NFATC3: variants seen among roughly 807,000 people sequenced by gnomAD.
The protein encoded by NFATC3 is nuclear factor of activated T-cells, cytoplasmic 3.
NFATC3 carries 46 observed loss-of-function variants against 98.6 expected under a neutral mutation model. The ratio of observed to expected loss-of-function variants is 0.47; its 90% CI spans 0.37 to 0.60. The LOEUF (loss-of-function observed/expected upper bound fraction) is 0.60. NFATC3 is among the 20% of genes least tolerant of loss of function. NFATC3 has a pLI of 0.00. For missense variants in NFATC3, 1,256 were observed against 1,295.5 expected (o/e 0.97, Z 0.47); for synonymous variants, 512 against 472.2 (o/e 1.08, Z -1.09).
At position 68,090,559 on chromosome 16, in the gene NFATC3, G is replaced by A. The variant is rs549612249; in HGVS notation, c.103+4775G>A. On this transcript the variant is annotated intron_variant, in intron 1 of 9. Coordinates refer to ENST00000346183, the MANE Select transcript of NFATC3 (RefSeq NM_173165.3). ...AGACATTTTTATCTGTTTAATTCTA[G>A]TCTTTTAAATGTTACTTACCTCTTA... Among the ~76,000 whole-genome samples the A allele has an allele frequency of 3.3e-5, 5 of 152,060 alleles. No individual in the cohort carries two copies. In the South Asian group the frequency reaches 1.0e-3, roughly 32 times the overall value.
At chr16:68,137,400 C>A (rs1324319884) in intron 3 of NFATC3, among the ~76,000 whole-genome samples, 1 of 152,044 alleles carries the variant, frequency 6.6e-6, no homozygotes, top group Non-Finnish European at 1.5e-5. Flanking sequence ...TCTGTTGTTA[C>A]CTGTGGGACC....
intron 3 of NFATC3, among the ~76,000 whole-genome samples, chr16:68,128,141 T>C (rs2036936369): frequency 6.6e-6 from 1 of 151,614 alleles, no homozygotes; most frequent in African/African-American, 2.4e-5. Context: ...TGTAGATATT[T>C]TTCTCTCGTC....
At chr16:68,210,099 C>A (rs1310619917) in intron 9 of NFATC3, among the ~76,000 whole-genome samples, 1 of 152,002 alleles carries the variant, frequency 6.6e-6, no homozygotes, top group Non-Finnish European at 1.5e-5. Flanking sequence ...ACATTGAGAC[C>A]ATCCTGGCTA....
At chr16:68,109,110 T>G (rs1042312507) in intron 1 of NFATC3, among the ~76,000 whole-genome samples, 16 of 152,172 alleles carry the variant, frequency 1.1e-4, no homozygotes, top group Non-Finnish European at 1.8e-4. Flanking sequence ...CATTACTATG[T>G]TGAATAGGAG....
In NFATC3 at chr16:68,191,260, A is replaced by G. The variant is rs370890812; in HGVS notation, c.2591A>G (p.His864Arg). 3.7e-6 allele frequency: 6 copies of G among 1,614,176 alleles called. No individual in the cohort carries two copies. Among genetic ancestry groups the G allele is most frequent in the African/African-American group, 2.7e-5 (2 of 75,034 alleles). Reference protein sequence around the residue: ...FHSSNSGSTGHLLAHTPHSVH... With the variant: ...FHSSNSGSTGRLLAHTPHSVH... ...TCTTCAAATTCAGGCTCAACAGGAC[A>G]TCTCTTAGCCCATACACCTCATTCT... is the stretch of plus-strand genomic sequence containing the variant. The change falls in exon 9 of 10, where the codon CAT becomes CGT. Residue 864 changes from histidine (H) to arginine (R), a missense_variant. Physicochemically the swap from His to Arg is conservative, Grantham distance 29. Transcript: ENST00000346183.
chr16:68,172,968 T>C (rs1244530824), intron 5 of NFATC3, among the ~76,000 whole-genome samples: 1 of 152,158 alleles, frequency 6.6e-6, no homozygotes, highest in East Asian at 1.9e-4. Context: ...AAGTTGATAA[T>C]GTAAATATCT....
At chr16:68,209,864 C>G (rs960184028) in intron 9 of NFATC3, 3 of 309,652 alleles carry the variant, frequency 9.7e-6, no homozygotes, top group African/African-American at 6.7e-5. Flanking sequence ...CACACACACA[C>G]ACACTCACAG....
chr16:68,185,862 C>CA (rs764335192), intron 8 of NFATC3, among the ~76,000 whole-genome samples: 3,661 of 46,136 alleles, frequency 0.079, 115 homozygotes, highest in East Asian at 0.15. Context: ...GACTCCGTCT[C>CA]AAAAAAAAAA....
intron 1 of NFATC3, among the ~76,000 whole-genome samples, chr16:68,110,908 T>C (rs1436393338): frequency 6.6e-6 from 1 of 152,192 alleles, no homozygotes; most frequent in East Asian, 1.9e-4. Context: ...AATTTCATTT[T>C]TTACCCAGAA....
At position 68,157,789 on chromosome 16, in the gene NFATC3, A is replaced by T. The variant is rs2038694474; in HGVS notation, c.1402-80A>T. 2.7e-6 allele frequency: 3 copies of T among 1,124,002 alleles called. No homozygotes were observed. The African/African-American group carries it at 4.7e-5, about 17-fold the overall frequency. The allele number at this position is 1,124,002 out of a possible 1,614,324, so 69.6% of individuals were successfully genotyped here. A position where few individuals can be genotyped will look rare whatever the true frequency, so the allele number is the denominator to read the frequency against. ...TGTCAATAGTATATGATAGAGATATAATAGACTTACTATTGTTGGCATATT... is the reference window on the plus strand; with the variant it reads ...TGTCAATAGTATATGATAGAGATATTATAGACTTACTATTGTTGGCATATT... On this transcript the variant is annotated intron_variant, in intron 3 of 9. Coordinates refer to ENST00000346183, the MANE Select transcript of NFATC3 (RefSeq NM_173165.3).
At position 68,183,327 on chromosome 16, in the gene NFATC3, A is replaced by T; in HGVS notation, c.2059A>T (p.Arg687Trp). 1 of 1,613,858 alleles carries T rather than the reference A, an allele frequency of 6.2e-7. No individual in the cohort carries two copies. The highest frequency in any genetic ancestry group is 8.5e-7 in the Non-Finnish European group (1 of 1,179,988). Residue 687 changes from arginine to tryptophan, a missense_variant, in exon 8 of 10, where the codon AGG (arginine) becomes TGG (tryptophan). Physicochemically the swap from Arg to Trp is moderately radical, Grantham distance 101 (BLOSUM62 -3). Transcript: ENST00000346183. ...GCACTTTTATCTTTGCAATGGCAAG[A>T]GGAAAAAAAGCCAGTCTCAACGTTT... ...QVHFYLCNGK[R>W]KKSQSQRFTY...
chr16:68,140,623 T>C (rs893046231), intron 3 of NFATC3, among the ~76,000 whole-genome samples: 4 of 151,880 alleles, frequency 2.6e-5, no homozygotes, highest in African/African-American at 4.8e-5. Flanking sequence ...TTATATCTTA[T>C]AAAATTAATA....
At chr16:68,089,961 T>G (rs1470648042) in intron 1 of NFATC3, among the ~76,000 whole-genome samples, 1 of 152,174 alleles carries the variant, frequency 6.6e-6, no homozygotes, top group African/African-American at 2.4e-5. Flanking sequence ...ACAATATGTA[T>G]TTTTGTAAGA....
At chr16:68,179,519 G>A (rs920435901) in intron 6 of NFATC3, among the ~76,000 whole-genome samples, 1 of 152,196 alleles carries the variant, frequency 6.6e-6, no homozygotes, top group Non-Finnish European at 1.5e-5. Flanking sequence ...AACCTGGAAA[G>A]CATTTGATGA....
chr16:68,207,620 C>G (rs906769642), intron 9 of NFATC3, among the ~76,000 whole-genome samples: 1 of 152,092 alleles, frequency 6.6e-6, no homozygotes, highest in African/African-American at 2.4e-5. Context: ...TGTGCCATCA[C>G]GCCCAGCTAA....
intron 3 of NFATC3, among the ~76,000 whole-genome samples, chr16:68,130,042 C>A (rs935028432): frequency 6.6e-6 from 1 of 152,114 alleles, no homozygotes; most frequent in African/African-American, 2.4e-5. Flanking sequence ...TTTTAGAAAT[C>A]CATTCATCCA....
intron 1 of NFATC3, among the ~76,000 whole-genome samples, chr16:68,108,837 A>G (rs1242812014): frequency 6.6e-6 from 1 of 152,110 alleles, no homozygotes; most frequent in Non-Finnish European, 1.5e-5. Context: ...CTTTGTAGCA[A>G]TTGTGAATGG....
At chr16:68,124,201 A>G (rs1364526228) in intron 2 of NFATC3, among the ~76,000 whole-genome samples, 1 of 152,060 alleles carries the variant, frequency 6.6e-6, no homozygotes, top group Non-Finnish European at 1.5e-5. Context: ...TCCCAAGCTC[A>G]AGCAATCCTT....
At position 68,213,863 on chromosome 16, in the gene NFATC3, C is replaced by G. The variant is rs377226978; in HGVS notation, c.3107-12487C>G. Among the ~76,000 whole-genome samples, 939 of 152,286 alleles carry G rather than the reference C, an allele frequency of 6.2e-3. 11 individuals are homozygous for G. The highest frequency in any genetic ancestry group is 0.022 in the African/African-American group (896 of 41,556). On this transcript the variant is annotated intron_variant, in intron 9 of 9. Transcript: ENST00000346183. The stretch of plus-strand genomic sequence containing the variant: ...ACTCTTCCATGACTCCCAGATTTGG[C>G]TGTACATATAGTTTTCTGGGCTGCT...
Sources: allele counts gnomAD v4.1 joint callset (sites outside exome capture counted in the v4.1 genomes callset), GRCh38; gene constraint gnomAD v4.1.1; transcripts MANE v1.5; gene names NCBI Gene and HGNC (gene_info 2026-07-23, HGNC 2026-07-21).